The following DMD variants were observed in gnomAD, a reference collection of about 807,000 sequenced individuals.
DMD encodes the protein mutant dystrophin.
A neutral mutation model predicts 330.1 loss-of-function variants in DMD; 63 were observed. The ratio of observed to expected loss-of-function variants is 0.19; its 90% CI spans 0.16 to 0.24. DMD has a LOEUF of 0.24. Among genes scored for constraint, DMD ranks in the 10% least tolerant of loss-of-function variants. The pLI, the probability that DMD is intolerant of heterozygous loss-of-function variation, is 1.00. For missense variants in DMD, 3,344 were observed against 2,684.1 expected, an observed-to-expected ratio of 1.25 and a Z score of -5.43; for synonymous variants, 1,223 against 959.8, an observed-to-expected ratio of 1.27 and a Z score of -5.07.
At position 32,428,585 on chromosome X, in the gene DMD, T is replaced by A. The variant is rs146361924; in HGVS notation, c.4071+9656A>T. On this transcript the variant is annotated intron_variant, in intron 29 of 78. Coordinates refer to ENST00000357033, the MANE Select transcript of DMD (RefSeq NM_004006.3). ...ATTCTGTGGATTTTTGCTTTACGTGTTTTAAAGGTATTTTCCCAGGTATGT... is the reference window on the plus strand; with the variant it reads ...ATTCTGTGGATTTTTGCTTTACGTGATTTAAAGGTATTTTCCCAGGTATGT... Among the ~76,000 whole-genome samples, 896 of 111,851 alleles carry A rather than the reference T, an allele frequency of 8.0e-3. 12 individuals carry two copies. Among genetic ancestry groups the A allele is most frequent in the African/African-American group, 0.027 (837 of 30,793 alleles).
chrX:32,345,272 G>A (rs2097760069), intron 39 of DMD, among the ~76,000 whole-genome samples: 1 of 111,290 alleles, frequency 9.0e-6, no homozygotes, highest in African/African-American at 3.3e-5. Flanking sequence ...GAACTTCCTA[G>A]ATATTATTAT....
intron 7 of DMD, among the ~76,000 whole-genome samples, chrX:32,789,740 T>A (rs1329691516): frequency 9.5e-6 from 1 of 104,844 alleles, no homozygotes; most frequent in Non-Finnish European, 1.9e-5. Context: ...AGACATAAGA[T>A]AAAGTATGGA....
chrX:32,458,469 C>A (rs940764922), intron 25 of DMD, among the ~76,000 whole-genome samples: 6 of 111,191 alleles, frequency 5.4e-5, no homozygotes, highest in Non-Finnish European at 1.1e-4. Flanking sequence ...GTGCAGATAC[C>A]TCCTTGAGAT....
At chrX:31,767,163 A>G (rs773382186) in intron 51 of DMD, among the ~76,000 whole-genome samples, 17 of 112,008 alleles carry the variant, frequency 1.5e-4, no homozygotes, top group Non-Finnish European at 2.8e-4. Flanking sequence ...CTTCAGCCAA[A>G]CAGATTACAA....
intron 2 of DMD, among the ~76,000 whole-genome samples, chrX:32,857,085 AAAAAT>A (rs1280997730): frequency 9.0e-6 from 1 of 110,996 alleles, no homozygotes; most frequent in Non-Finnish European, 1.9e-5. Flanking sequence ...AAAAAAAAAA[AAAAAT>A]TTGAAGTGGA....
intron 50 of DMD, among the ~76,000 whole-genome samples, chrX:31,803,412 T>C (rs893196085): frequency 1.8e-5 from 2 of 112,398 alleles, no homozygotes; most frequent in African/African-American, 6.5e-5. Context: ...ATCTGTCTTA[T>C]CTATAGATGA....
chrX:31,179,969 G>A (rs752952952), intron 69 of DMD, among the ~76,000 whole-genome samples: 3 of 111,581 alleles, frequency 2.7e-5, no homozygotes, highest in Non-Finnish European at 5.7e-5. Flanking sequence ...TAATAGGTGA[G>A]CAACATTGAT....
At chrX:31,640,280 G>A (rs1422876293) in intron 54 of DMD, among the ~76,000 whole-genome samples, 1 of 111,963 alleles carries the variant, frequency 8.9e-6, no homozygotes, top group South Asian at 3.7e-4. Context: ...CATCTCCTAG[G>A]GAATACGTTT....
intron 52 of DMD, among the ~76,000 whole-genome samples, chrX:31,717,156 C>G (rs1412386946): frequency 1.8e-5 from 2 of 111,464 alleles, no homozygotes; most frequent in Non-Finnish European, 3.8e-5. Context: ...AAGCACAGCA[C>G]AAATCTAAAG....
At position 32,285,404 on chromosome X, in the gene DMD, A is replaced by G. The variant is rs958477924; in HGVS notation, c.6290+2125T>C. 1.5e-4 allele frequency among the ~76,000 whole-genome samples: 17 copies of G among 111,903 alleles called. No homozygotes were observed. The Admixed American group carries it at 1.6e-3, about 11-fold the overall frequency. On this transcript the variant is annotated intron_variant, in intron 43 of 78. Coordinates refer to ENST00000357033, the MANE Select transcript of DMD (RefSeq NM_004006.3). ...GGAGAAAGTACACCATGGTGGCGATATAAGTTTATTCAAATATTTTTGTTA... is the reference window on the plus strand; with the variant it reads ...GGAGAAAGTACACCATGGTGGCGATGTAAGTTTATTCAAATATTTTTGTTA...
At chrX:31,463,425 CTTAG>C (rs2066658454) in intron 59 of DMD, among the ~76,000 whole-genome samples, 1 of 111,815 alleles carries the variant, frequency 8.9e-6, no homozygotes, top group South Asian at 3.7e-4. Flanking sequence ...CATTACTTAA[CTTAG>C]TTAATTTCAG....
At chrX:32,473,889 G>A (rs754410857) in intron 21 of DMD, among the ~76,000 whole-genome samples, 1 of 109,905 alleles carries the variant, frequency 9.1e-6, no homozygotes, top group Non-Finnish European at 1.9e-5. Context: ...GGTTACATGA[G>A]TAAGTTCTTT....
intron 16 of DMD, among the ~76,000 whole-genome samples, chrX:32,563,784 G>A (rs1002169427): frequency 8.9e-6 from 1 of 112,101 alleles, no homozygotes; most frequent in Non-Finnish European, 1.9e-5. Context: ...TTCCCAAGAA[G>A]CTCTCCCTTT....
intron 60 of DMD, among the ~76,000 whole-genome samples, chrX:31,441,664 A>G: frequency 8.9e-6 from 1 of 112,480 alleles, no homozygotes; most frequent in Admixed American, 9.4e-5. Context: ...ATATGATGTC[A>G]TAATGGTGGT....
At chrX:31,718,519 G>A (rs1389799511) in intron 52 of DMD, among the ~76,000 whole-genome samples, 3 of 110,798 alleles carry the variant, frequency 2.7e-5, no homozygotes, top group Admixed American at 9.7e-5. Context: ...TGGGGCCTTT[G>A]AGAAATAATA....
chrX:31,136,038 C>A (rs1235906966), intron 76 of DMD, among the ~76,000 whole-genome samples: 1 of 108,722 alleles, frequency 9.2e-6, no homozygotes, highest in African/African-American at 3.4e-5. Flanking sequence ...GAATCATTGC[C>A]AATGCTAACC....
At chrX:31,189,468 T>C (rs929916948) in intron 67 of DMD, among the ~76,000 whole-genome samples, 11 of 111,183 alleles carry the variant, frequency 9.9e-5, no homozygotes, top group Admixed American at 3.8e-4. Flanking sequence ...ACGCATTTGG[T>C]TGAAAACGAT....
chrX:31,286,146 T>A (rs763128275), intron 62 of DMD, among the ~76,000 whole-genome samples: 55 of 112,336 alleles, frequency 4.9e-4, no homozygotes, highest in Admixed American at 4.0e-3. Context: ...AACACCAATA[T>A]TCCCAGCCGC....
chrX:32,684,816 C>T (rs2062731997), intron 9 of DMD, among the ~76,000 whole-genome samples: 1 of 111,009 alleles, frequency 9.0e-6, no homozygotes, highest in African/African-American at 3.3e-5. Context: ...TCTAGTTTTA[C>T]TTATTGATTT....
Sources: gnomAD v4.1 joint callset for allele counts (sites outside exome capture counted in the v4.1 genomes callset) on GRCh38, gnomAD v4.1.1 for gene constraint, MANE v1.5 for transcripts, NCBI Gene and HGNC (gene_info 2026-07-23, HGNC 2026-07-21) for gene names.